Variants in MON1B observed in about 807,000 individuals in gnomAD.
MON1B encodes vacuolar fusion protein MON1 homolog B.
In MON1B, 26 loss-of-function variants were observed where a neutral mutation model predicts 45.1. The ratio of observed to expected loss-of-function variants is 0.58; its 90% CI spans 0.42 to 0.80. The LOEUF (loss-of-function observed/expected upper bound fraction) is 0.80. MON1B is among the 30% of genes least tolerant of loss of function. The probability of loss-of-function intolerance (pLI) is 0.00; values close to 1 mark genes in which losing one functional copy is unlikely to be tolerated. For synonymous variants in MON1B, 395 were observed against 320.2 expected (o/e 1.23, Z -2.49); for missense variants, 737 against 754.5 (o/e 0.98, Z 0.27).
In MON1B at chr16:77,194,024, A is replaced by G. The variant is rs540388982; in HGVS notation, c.475+247A>G. 5.0e-6 allele frequency: 3 copies of G among 601,034 alleles called. No individual in the cohort carries two copies. Among genetic ancestry groups the G allele is most frequent in the African/African-American group, 3.7e-5 (2 of 53,896 alleles). 37.2% of individuals were successfully genotyped at this position (601,034 alleles called of 1,614,324 possible). A position where few individuals can be genotyped will look rare whatever the true frequency, so the allele number is the denominator to read the frequency against. On this transcript the variant is annotated intron_variant, in intron 3 of 5. Coordinates refer to ENST00000248248, the MANE Select transcript of MON1B (RefSeq NM_014940.4). The surrounding 1 kb of genome is among the most constrained non-coding windows in gnomAD (Gnocchi z 8.1). ...GGATACTTCTGTGTCACCTGAGAGG[A>G]TAACTGTGGGGGCTGTGTGGTTGAG...
chr16:77,195,611 C>G lies in MON1B; in HGVS notation c.1372C>G (p.Arg458Gly). The change falls in exon 5 of 6, where the codon CGT (arginine) becomes GGT (glycine). Residue 458 changes from arginine (R) to glycine (G), a missense_variant. Arg to Gly is a moderately radical substitution (Grantham distance 125, BLOSUM62 -2). Transcript: ENST00000248248. ...GGACCTGTACCACCGCCTGCATGCT[C>G]GTCTCCACAGCACCTCCCGACCCCT... ...LSDLYHRLHA[R>G]LHSTSRPLRL... is the part of the protein sequence containing the mutation. 2.5e-6 allele frequency: 4 copies of G among 1,614,140 alleles called. No homozygotes were observed. Among genetic ancestry groups the G allele is most frequent in the Non-Finnish European group, 3.4e-6 (4 of 1,180,008 alleles).
rs952540401 is a variant in MON1B at position 77,199,543 on chromosome 16, C to A, written c.*1235C>A. 5.3e-6 allele frequency: 8 copies of A among 1,513,692 alleles called. No individual in the cohort carries two copies. Among genetic ancestry groups the A allele is most frequent in the Middle Eastern group, 1.8e-4 (1 of 5,662 alleles). The allele number at this position is 1,513,692 out of a possible 1,614,324, so 93.8% of individuals were successfully genotyped here. A position where few individuals can be genotyped will look rare whatever the true frequency, so the allele number is the denominator to read the frequency against. On this transcript the variant is annotated 3_prime_UTR_variant, in exon 6 of 6. Transcript: ENST00000248248. ...GAGGGCAAGTGGGCTGCACTCCTTT[C>A]TCTCCAACCAGGGCAGAAAGGAGGG... is the stretch of plus-strand genomic sequence containing the variant.
At chr16:77,195,199 CA>C in intron 4 of MON1B, 45 bp downstream of exon 4, 1 of 1,464,204 alleles carries the variant, frequency 6.8e-7, no homozygotes. Context: ...GAAGGCCTGT[CA>C]AACCAGGAAG....
chr16:77,191,650 TG>T lies in MON1B; in HGVS notation c.148+21del. 6.2e-7 allele frequency: 1 copy of T among 1,605,882 alleles called. No homozygotes were observed. The highest frequency in any genetic ancestry group is 8.5e-7 in the Non-Finnish European group (1 of 1,176,670). ...AGGAAACAGGTATGACTCCACTTAG[TG>T]GGGTCTTAAAAGGAATCCTTAGGGG... is the stretch of plus-strand genomic sequence containing the variant. On this transcript the variant is annotated intron_variant, in intron 2 of 5. Coordinates refer to ENST00000248248, the MANE Select transcript of MON1B (RefSeq NM_014940.4).
chr16:77,200,583 T>G lies in MON1B; in HGVS notation c.*2275T>G. 6.6e-6 allele frequency: 1 copy of G among 151,478 alleles called. No homozygotes were observed. Among genetic ancestry groups the G allele is most frequent in the East Asian group, 1.9e-4 (1 of 5,164 alleles). The allele number at this position is 151,478 out of a possible 1,614,324, so 9.4% of individuals were successfully genotyped here. A position where few individuals can be genotyped will look rare whatever the true frequency, so the allele number is the denominator to read the frequency against. On this transcript the variant is annotated 3_prime_UTR_variant, in exon 6 of 6. Transcript: ENST00000248248. The stretch of plus-strand genomic sequence containing the variant: ...CCAGCCTGGCCAGCATGGCGAAACC[T>G]CGTCTCTACTAAAAATACAAAAATT...
chr16:77,196,526 A>G (rs1414555385), intron 5 of MON1B, among the ~76,000 whole-genome samples: 1 of 152,210 alleles, frequency 6.6e-6, no homozygotes, highest in Non-Finnish European at 1.5e-5. Context: ...CTGTAATCCC[A>G]GCACTTTGGG....
chr16:77,195,239 G>C (rs1197212587), intron 4 of MON1B, 85 bp downstream of exon 4: 32 of 1,295,324 alleles, frequency 2.5e-5, no homozygotes, highest in Non-Finnish European at 3.1e-5. Flanking sequence ...TGACTCAGGA[G>C]AGATAACCAG....
rs751446864 is a variant in MON1B at position 77,194,680 on chromosome 16, C to T, written c.821C>T (p.Ala274Val). The change falls in exon 4 of 6, where the codon GCG becomes GTG. Residue 274 changes from alanine to valine, a missense_variant. By Grantham distance (64) the Ala-to-Val change is moderately conservative. Transcript: ENST00000248248. This position sits in a 1 kb window ranked among gnomAD's most constrained non-coding sequence, Gnocchi z 8.1. ...LLRRCTAPGLALSVLAVGGRL... is the reference protein window; with the variant it reads ...LLRRCTAPGLVLSVLAVGGRL... ...CGACGTTGCACAGCGCCTGGCCTGG[C>T]GCTGTCAGTGCTGGCAGTAGGCGGT... The T allele has an allele frequency of 5.6e-6, 9 of 1,613,914 alleles. No homozygotes were observed. The East Asian group carries it at 8.9e-5, about 16-fold the overall frequency.
rs1338050632 is a variant in MON1B at position 77,200,266 on chromosome 16, A to G, written c.*1958A>G. ...TATATATGTATATGTGTATATATATATATATGTGTATATATATATATATAT... is the reference window on the plus strand; with the variant it reads ...TATATATGTATATGTGTATATATATGTATATGTGTATATATATATATATAT... On this transcript the variant is annotated 3_prime_UTR_variant, in exon 6 of 6. Transcript: ENST00000248248. 1 of 111,312 alleles carries G rather than the reference A, an allele frequency of 9.0e-6. No homozygotes were observed. The highest frequency in any genetic ancestry group is 8.7e-5 in the Admixed American group (1 of 11,450). The allele number at this position is 111,312 out of a possible 1,614,324, so 6.9% of individuals were successfully genotyped here.
chr16:77,194,930 T>C lies in MON1B; in HGVS notation c.1071T>C (p.Arg357=). ...PVCLLLLGTQ[R]EAFHAMAACR... is the part of the protein sequence containing the mutation. ...GCCTGCTGCTGCTTGGCACCCAACGTGAAGCCTTCCATGCCATGGCCGCCT... is the reference window on the plus strand; with the variant it reads ...GCCTGCTGCTGCTTGGCACCCAACGCGAAGCCTTCCATGCCATGGCCGCCT... The change falls in exon 4 of 6, where the codon CGT becomes CGC. Residue 357 remains arginine, a synonymous_variant. Transcript: ENST00000248248. This position sits in a 1 kb window ranked among gnomAD's most constrained non-coding sequence, Gnocchi z 8.1. The C allele has an allele frequency of 6.2e-7, 1 of 1,613,800 alleles. No individual in the cohort carries two copies. The highest frequency in any genetic ancestry group is 2.2e-5 in the East Asian group (1 of 44,874).
At position 77,200,746 on chromosome 16, in the gene MON1B, CAAAAAAAAA is replaced by C. The variant is rs11344903; in HGVS notation, c.*2449_*2457del. 2.4e-5 allele frequency: 2 copies of C among 84,838 alleles called. No individual in the cohort carries two copies. Among genetic ancestry groups the C allele is most frequent in the Admixed American group, 2.6e-4 (2 of 7,794 alleles). 5.3% of individuals were successfully genotyped at this position (84,838 alleles called of 1,614,324 possible). On this transcript the variant is annotated 3_prime_UTR_variant, in exon 6 of 6. Transcript: ENST00000248248. The stretch of plus-strand genomic sequence containing the variant: ...ACTCCAGCGCGGAAGACAGAGTGAG[CAAAAAAAAA>C]AAAAAAAAAAGAAAAAACAAAAAGA...
Position 77,193,089 on chromosome 16 carries a change from G to A in MON1B, c.149-362G>A, listed in dbSNP as rs371001602. On this transcript the variant is annotated intron_variant, in intron 2 of 5. Transcript: ENST00000248248. The surrounding 1 kb of genome is among the most constrained non-coding windows in gnomAD (Gnocchi z 5.0). ...AAATAGCGGTCAGAGGAGTTAATGG[G>A]GGATCATTGAAGATGAATAATCGTC... 6.6e-6 allele frequency among the ~76,000 whole-genome samples: 1 copy of A among 152,174 alleles called. No individual in the cohort carries two copies. The highest frequency in any genetic ancestry group is 2.4e-5 in the African/African-American group (1 of 41,490).
rs1056760318 is a variant in MON1B, at chr16:77,202,272, A to G, written c.*3964A>G. 6.6e-6 allele frequency: 1 copy of G among 152,216 alleles called. No individual in the cohort carries two copies. Among genetic ancestry groups the G allele is most frequent in the Non-Finnish European group, 1.5e-5 (1 of 68,024 alleles). The allele number at this position is 152,216 out of a possible 1,614,324, so 9.4% of individuals were successfully genotyped here. A position where few individuals can be genotyped will look rare whatever the true frequency, so the allele number is the denominator to read the frequency against. On this transcript the variant is annotated 3_prime_UTR_variant, in exon 6 of 6. Coordinates refer to ENST00000248248, the MANE Select transcript of MON1B (RefSeq NM_014940.4). Reference sequence around the variant, plus strand: ...AGGAGTAGTGGGTCAAGATGTCTGCAACTTATTGTTCAGAATCACTCACAA... The same window carrying G: ...AGGAGTAGTGGGTCAAGATGTCTGCGACTTATTGTTCAGAATCACTCACAA...
At position 77,199,267 on chromosome 16, in the gene MON1B, T is replaced by C; in HGVS notation, c.*959T>C. The C allele has an allele frequency of 1.7e-6, 1 of 603,494 alleles. No homozygotes were observed. Among genetic ancestry groups the C allele is most frequent in the Admixed American group, 3.0e-5 (1 of 32,866 alleles). The allele number at this position is 603,494 out of a possible 1,614,324, so 37.4% of individuals were successfully genotyped here. A position where few individuals can be genotyped will look rare whatever the true frequency, so the allele number is the denominator to read the frequency against. On this transcript the variant is annotated 3_prime_UTR_variant, in exon 6 of 6. Transcript: ENST00000248248. ...GTTTGTGGAGTTACAGCCTCAAGGTTGTAGCATGTGTGCTGGCAATCAGGG... is the reference window on the plus strand; with the variant it reads ...GTTTGTGGAGTTACAGCCTCAAGGTCGTAGCATGTGTGCTGGCAATCAGGG...
At chr16:77,198,030 T>C (rs2054684033) in intron 5 of MON1B, 78 bp from the exon 6 acceptor site, 2 of 1,425,522 alleles carry the variant, frequency 1.4e-6, no homozygotes, top group Admixed American at 3.5e-5. Context: ...GAGGCAGACA[T>C]GCAGCTGCAC....
chr16:77,196,329 T>G (rs1300461305), intron 5 of MON1B, among the ~76,000 whole-genome samples: 1 of 148,268 alleles, frequency 6.7e-6, no homozygotes, highest in Non-Finnish European at 1.5e-5. Context: ...CAAATAACTT[T>G]AGACTTAGAA....
rs764405649 is a variant in MON1B, at chr16:77,194,880, G to T, written c.1021G>T (p.Ala341Ser). ...NPDGFFYAYV[A>S]RLDAMPVCLL... ...TGATGGTTTTTTCTACGCCTACGTGGCCCGCCTGGATGCTATGCCTGTCTG... is the reference window on the plus strand; with the variant it reads ...TGATGGTTTTTTCTACGCCTACGTGTCCCGCCTGGATGCTATGCCTGTCTG... Residue 341 changes from alanine (A) to serine (S), a missense_variant, in exon 4 of 6, where the codon GCC becomes TCC. Ala to Ser is a moderately conservative substitution (Grantham distance 99). Coordinates refer to ENST00000248248, the MANE Select transcript of MON1B (RefSeq NM_014940.4). The surrounding 1 kb of genome is among the most constrained non-coding windows in gnomAD (Gnocchi z 8.1). 2 of 1,612,274 alleles carry T rather than the reference G, an allele frequency of 1.2e-6. No individual in the cohort carries two copies. Among genetic ancestry groups the T allele is most frequent in the South Asian group, 2.2e-5 (2 of 91,088 alleles).
rs2054746507 is a variant in MON1B at position 77,201,814 on chromosome 16, T to C, written c.*3506T>C. 6.6e-6 allele frequency: 1 copy of C among 152,216 alleles called. No individual in the cohort carries two copies. Among genetic ancestry groups the C allele is most frequent in the African/African-American group, 2.4e-5 (1 of 41,460 alleles). 9.4% of individuals were successfully genotyped at this position (152,216 alleles called of 1,614,324 possible). ...AATTATAAGTTCTAATTTAAATGTA[T>C]TAAAATTAAATTATAAGTTGATAGG... On this transcript the variant is annotated 3_prime_UTR_variant, in exon 6 of 6. Transcript: ENST00000248248.
rs115643058 is a variant in MON1B, at chr16:77,199,973, A to G, written c.*1665A>G. 5,056 of 152,062 alleles carry G rather than the reference A, an allele frequency of 0.033. 99 individuals carry two copies. The highest frequency in any genetic ancestry group is 0.051 in the Middle Eastern group (15 of 296). 9.4% of individuals were successfully genotyped at this position (152,062 alleles called of 1,614,324 possible). A position where few individuals can be genotyped will look rare whatever the true frequency, so the allele number is the denominator to read the frequency against. ...TCTCCAGGGTATTGACTTGAATGAC[A>G]GGCAAAGGAGGGTGGAGGGGTGTCG... On this transcript the variant is annotated 3_prime_UTR_variant, in exon 6 of 6. Coordinates refer to ENST00000248248, the MANE Select transcript of MON1B (RefSeq NM_014940.4).
Sources: gnomAD v4.1 joint callset for allele counts (sites outside exome capture counted in the v4.1 genomes callset) on GRCh38, gnomAD v4.1.1 for gene constraint, Gnocchi (gnomAD v3.1) non-coding constraint, MANE v1.5 for transcripts, NCBI Gene and HGNC (gene_info 2026-07-23, HGNC 2026-07-21) for gene names.